The following IGF1R variants were observed in gnomAD, a reference collection of about 807,000 sequenced individuals.
IGF1R encodes insulin like growth factor 1 receptor.
IGF1R carries 44 observed loss-of-function variants against 144.6 expected under a neutral mutation model. The observed-to-expected ratio is 0.30, with a 90% CI of 0.24 to 0.39. The LOEUF (loss-of-function observed/expected upper bound fraction) is 0.39, where lower values mean the gene tolerates loss of function less well. IGF1R is among the 10% of genes least tolerant of loss of function. The pLI is 1.00. For synonymous variants in IGF1R, 795 were observed against 722.8 expected (o/e 1.10, Z -1.60); for missense variants, 1,355 against 1,833.7 (o/e 0.74, Z 4.77).
intron 2 of IGF1R, among the ~76,000 whole-genome samples, chr15:98,726,682 CCTT>C (rs757407513): frequency 3.0e-4 from 45 of 150,496 alleles, no homozygotes; most frequent in Admixed American, 2.2e-3. Flanking sequence ...AAATTCCCCT[CCTT>C]AGGCAGAATT....
At chr15:98,758,635 C>T (rs1479808308) in intron 2 of IGF1R, among the ~76,000 whole-genome samples, 1 of 152,208 alleles carries the variant, frequency 6.6e-6, no homozygotes, top group Non-Finnish European at 1.5e-5. Flanking sequence ...GGGTGCAGGG[C>T]CTTCTTCCCT....
chr15:98,740,034 G>C (rs565144799), intron 2 of IGF1R, among the ~76,000 whole-genome samples: 1 of 152,324 alleles, frequency 6.6e-6, no homozygotes, highest in Admixed American at 6.5e-5. Flanking sequence ...AGAACTCTGC[G>C]TGTTGACGAC....
chr15:98,669,903 G>A (rs1353374588), intron 1 of IGF1R, among the ~76,000 whole-genome samples: 1 of 152,202 alleles, frequency 6.6e-6, no homozygotes, highest in Non-Finnish European at 1.5e-5. Flanking sequence ...GGCTGAGAGT[G>A]CCACTTGGAT....
intron 1 of IGF1R, among the ~76,000 whole-genome samples, chr15:98,664,705 A>AT (rs1272839366): frequency 6.6e-6 from 1 of 151,326 alleles, no homozygotes; most frequent in Non-Finnish European, 1.5e-5. Context: ...AAAAAAAAAA[A>AT]AAAGTGTCAC....
At chr15:98,915,615 GAA>G (rs1387653609) in intron 8 of IGF1R, among the ~76,000 whole-genome samples, 1 of 152,216 alleles carries the variant, frequency 6.6e-6, no homozygotes, top group Admixed American at 6.5e-5. Context: ...GCACTGTGGA[GAA>G]TGGCAGTTGT....
Position 98,891,270 on chromosome 15 carries a change from G to A in IGF1R, c.641-55G>A. On this transcript the variant is annotated intron_variant, in intron 2 of 20. Transcript: ENST00000650285. The surrounding 1 kb of genome is among the most constrained non-coding windows in gnomAD (Gnocchi z 4.7). The stretch of plus-strand genomic sequence containing the variant: ...CAGAAGGATGCTGGCCAGGCCCAGA[G>A]AAGGCGGTGCCTCCCCTGCCCGGTC... The A allele has an allele frequency of 6.4e-7, 1 of 1,552,502 alleles. No homozygotes were observed.
intron 2 of IGF1R, among the ~76,000 whole-genome samples, chr15:98,768,763 CAA>C (rs72476452): frequency 1.6e-4 from 14 of 86,258 alleles, no homozygotes; most frequent in Admixed American, 1.2e-3. Context: ...ACTAAAAATA[CAA>C]AAAAAAAAAA....
chr15:98,871,216 C>G (rs11247378), intron 2 of IGF1R, among the ~76,000 whole-genome samples: 2 of 152,160 alleles, frequency 1.3e-5, no homozygotes, highest in African/African-American at 4.8e-5. Flanking sequence ...CCGGTGAACC[C>G]GTAACTTTGA....
chr15:98,950,247 A>G (rs549889980), intron 20 of IGF1R, among the ~76,000 whole-genome samples: 1 of 152,346 alleles, frequency 6.6e-6, no homozygotes, highest in African/African-American at 2.4e-5. Context: ...GTGGCGGGAT[A>G]ATAGATAGAT....
chr15:98,863,991 C>G (rs2012296096), intron 2 of IGF1R, among the ~76,000 whole-genome samples: 1 of 152,118 alleles, frequency 6.6e-6, no homozygotes, highest in Non-Finnish European at 1.5e-5. Context: ...GGTGTGGTGC[C>G]TCATGCCTGT....
intron 1 of IGF1R, among the ~76,000 whole-genome samples, chr15:98,674,666 T>C (rs1055437644): frequency 1.3e-5 from 2 of 152,204 alleles, no homozygotes; most frequent in Middle Eastern, 3.2e-3. Context: ...TTTCAAATTA[T>C]AATAGTAATA....
intron 2 of IGF1R, among the ~76,000 whole-genome samples, chr15:98,752,271 T>C (rs965103205): frequency 3.3e-5 from 5 of 152,200 alleles, no homozygotes; most frequent in African/African-American, 1.2e-4. Context: ...CATTTTTCTA[T>C]AAAATCAGAA....
chr15:98,842,442 A>G (rs2011190809), intron 2 of IGF1R, among the ~76,000 whole-genome samples: 2 of 152,214 alleles, frequency 1.3e-5, no homozygotes, highest in Admixed American at 1.3e-4. Flanking sequence ...AAATGAGGAC[A>G]GGGAAAGGCT....
intron 1 of IGF1R, among the ~76,000 whole-genome samples, chr15:98,693,746 C>G (rs565856647): frequency 6.6e-6 from 1 of 152,166 alleles, no homozygotes; most frequent in Non-Finnish European, 1.5e-5. Flanking sequence ...GCTGGGACTT[C>G]AGGTGTATGC....
intron 2 of IGF1R, among the ~76,000 whole-genome samples, chr15:98,710,035 A>C (rs1209628101): frequency 6.6e-6 from 1 of 152,172 alleles, no homozygotes; most frequent in African/African-American, 2.4e-5. Flanking sequence ...TGGTTTCTTC[A>C]TATGTGGAAT....
chr15:98,942,570 C>T (rs568991390), intron 18 of IGF1R, among the ~76,000 whole-genome samples: 3 of 152,274 alleles, frequency 2.0e-5, no homozygotes, highest in African/African-American at 4.8e-5. Context: ...AATTCCTGGG[C>T]ACAGGCGATC....
chr15:98,708,642 T>C (rs1050469911), intron 2 of IGF1R, among the ~76,000 whole-genome samples: 1 of 152,192 alleles, frequency 6.6e-6, no homozygotes, highest in African/African-American at 2.4e-5. Context: ...GTCCTAGTGA[T>C]GATGTTATGA....
chr15:98,677,573 CTG>C (rs770395274), intron 1 of IGF1R, among the ~76,000 whole-genome samples: 2 of 152,170 alleles, frequency 1.3e-5, no homozygotes, highest in Non-Finnish European at 2.9e-5. Context: ...GGGAAGGAGT[CTG>C]TGGCTGCTGT....
intron 2 of IGF1R, among the ~76,000 whole-genome samples, chr15:98,797,967 T>C: frequency 6.6e-6 from 1 of 152,210 alleles, no homozygotes; most frequent in East Asian, 1.9e-4. Context: ...CCACTGTGAA[T>C]CAGCCATGAG....
Sources: gnomAD v4.1 joint callset for allele counts (sites outside exome capture counted in the v4.1 genomes callset) on GRCh38, gnomAD v4.1.1 for gene constraint, Gnocchi (gnomAD v3.1) non-coding constraint, MANE v1.5 for transcripts, NCBI Gene and HGNC (gene_info 2026-07-23, HGNC 2026-07-21) for gene names.